The following PGM5 variants were observed in gnomAD, a reference collection of about 807,000 sequenced individuals.
The protein encoded by PGM5 is phosphoglucomutase-like protein 5.
Under a neutral mutation model 59.2 loss-of-function variants are expected in PGM5, and 23 were observed. The observed-to-expected ratio is 0.39, with a 90% CI of 0.28 to 0.55. PGM5 has a LOEUF of 0.55. PGM5 is among the 20% of genes least tolerant of loss of function. PGM5 has a pLI of 0.66. For synonymous variants in PGM5, 214 were observed against 286.0 expected (o/e 0.75, Z 2.54); for missense variants, 574 against 748.3 (o/e 0.77, Z 2.72).
intron 6 of PGM5, among the ~76,000 whole-genome samples, chr9:68,423,377 C>G (rs1390130446): frequency 2.0e-5 from 3 of 152,266 alleles, no homozygotes; most frequent in East Asian, 3.9e-4. Flanking sequence ...CGCATCCACA[C>G]CAACATCTAC....
intron 4 of PGM5, among the ~76,000 whole-genome samples, chr9:68,389,455 G>A (rs1822312016): frequency 6.6e-6 from 1 of 151,944 alleles, no homozygotes; most frequent in African/African-American, 2.4e-5. Flanking sequence ...TGCCCCCATA[G>A]TTTTGCATTT....
intron 7 of PGM5, among the ~76,000 whole-genome samples, chr9:68,471,386 A>G (rs1251093464): frequency 1.3e-5 from 2 of 152,198 alleles, no homozygotes; most frequent in Non-Finnish European, 2.9e-5. Flanking sequence ...CTAGGAGACT[A>G]CTGGTTGCTA....
intron 1 of PGM5, among the ~76,000 whole-genome samples, chr9:68,376,196 A>G (rs1489021814): frequency 1.1e-4 from 17 of 152,298 alleles, no homozygotes; most frequent in Non-Finnish European, 2.4e-4. Flanking sequence ...TAAAAATGCA[A>G]TCAGGTCACT....
At chr9:68,364,180 C>T (rs1342870503) in intron 1 of PGM5, among the ~76,000 whole-genome samples, 1 of 151,436 alleles carries the variant, frequency 6.6e-6, no homozygotes, top group Admixed American at 6.6e-5. Context: ...AACTAGGAAG[C>T]TGAAATGCAG....
intron 1 of PGM5, among the ~76,000 whole-genome samples, chr9:68,376,833 C>CTT (rs1461144548): frequency 0.031 from 2,383 of 77,268 alleles, 48 homozygotes; most frequent in Non-Finnish European, 0.034. Context: ...TTCTTTCTTT[C>CTT]TCTTTCTTTC....
chr9:68,359,199 G>A (rs552106215), intron 1 of PGM5, among the ~76,000 whole-genome samples: 1 of 152,222 alleles, frequency 6.6e-6, no homozygotes, highest in African/African-American at 2.4e-5. Flanking sequence ...TTACTTCAAT[G>A]GGTCTTCTAT....
chr9:68,515,725 T>C (rs1429679506), intron 10 of PGM5, among the ~76,000 whole-genome samples: 1 of 152,196 alleles, frequency 6.6e-6, no homozygotes, highest in Non-Finnish European at 1.5e-5. Flanking sequence ...ACCCCAACAT[T>C]CTTAATCTCT....
intron 6 of PGM5, among the ~76,000 whole-genome samples, chr9:68,444,258 A>G (rs1457647601): frequency 2.0e-5 from 3 of 152,106 alleles, no homozygotes; most frequent in African/African-American, 7.2e-5. Context: ...CCACCCATCC[A>G]ACTGCAAGTC....
At chr9:68,386,253 A>G (rs1554678834) in intron 3 of PGM5, among the ~76,000 whole-genome samples, 1 of 152,076 alleles carries the variant, frequency 6.6e-6, no homozygotes, top group East Asian at 1.9e-4. Context: ...TGGTGGTAAA[A>G]TATACATAAC....
At chr9:68,410,308 C>T (rs2258116) in intron 6 of PGM5, among the ~76,000 whole-genome samples, 42 of 152,256 alleles carry the variant, frequency 2.8e-4, no homozygotes, top group African/African-American at 9.6e-4. Flanking sequence ...TGAATGGCCA[C>T]GAGCATGGCT....
At chr9:68,447,768 C>T (rs1477940119) in intron 6 of PGM5, among the ~76,000 whole-genome samples, 1 of 152,144 alleles carries the variant, frequency 6.6e-6, no homozygotes. Flanking sequence ...TCCCTAAGAA[C>T]ATCTTGGCAT....
intron 10 of PGM5, among the ~76,000 whole-genome samples, chr9:68,504,447 C>G (rs911569841): frequency 6.6e-6 from 1 of 152,152 alleles, no homozygotes; most frequent in Non-Finnish European, 1.5e-5. Flanking sequence ...CTCCCTCTGA[C>G]CTCATTTCCT....
intron 1 of PGM5, among the ~76,000 whole-genome samples, chr9:68,361,745 T>C (rs1202412657): frequency 1.3e-5 from 2 of 152,152 alleles, no homozygotes; most frequent in African/African-American, 4.8e-5. Context: ...TACCAGCACC[T>C]TTGGGGTTAG....
At chr9:68,483,719 G>C (rs1293419748) in intron 8 of PGM5, 146 bp from the exon 9 acceptor site, 1 of 659,968 alleles carries the variant, frequency 1.5e-6, no homozygotes, top group Non-Finnish European at 2.6e-6. Flanking sequence ...GACTGTAAGG[G>C]TCAGATGAAA....
Position 68,387,490 on chromosome 9 carries a change from A to G in PGM5, c.599A>G (p.Tyr200Cys). The change falls in exon 4 of 11, where the codon TAT becomes TGT. Residue 200 changes from tyrosine to cysteine, a missense_variant. Tyr to Cys is a radical substitution (Grantham distance 194). Coordinates refer to ENST00000396396, the MANE Select transcript of PGM5 (RefSeq NM_021965.4). ...RVEIVDPVDI[Y>C]LNLLRTIFDF... Reference sequence around the variant, plus strand: ...GAGATAGTGGACCCAGTGGATATCTATCTTAACCTCCTTCGGACCATCTTT... The same window carrying G: ...GAGATAGTGGACCCAGTGGATATCTGTCTTAACCTCCTTCGGACCATCTTT... 3.7e-6 allele frequency: 6 copies of G among 1,611,816 alleles called. No homozygotes were observed. The highest frequency in any genetic ancestry group is 2.2e-5 in the East Asian group (1 of 44,838).
At chr9:68,357,797 C>T in intron 1 of PGM5, 1 of 257,436 alleles carries the variant, frequency 3.9e-6, no homozygotes, top group Non-Finnish European at 7.6e-6. Context: ...ACAGTCCCCA[C>T]ACAAACTTCT....
At position 68,524,783 on chromosome 9, in the gene PGM5, C is replaced by G. The variant is rs532373128; in HGVS notation, c.1615-4784C>G. On this transcript the variant is annotated intron_variant, in intron 10 of 10. Transcript: ENST00000396396. The stretch of plus-strand genomic sequence containing the variant: ...TCTTTCTCTCTTTATCCTTGTCACT[C>G]TCAGATCTTATATGCAGAACTGTAT... Among the ~76,000 whole-genome samples, 277 of 152,320 alleles carry G rather than the reference C, an allele frequency of 1.8e-3. 1 individual carries two copies. The highest frequency in any genetic ancestry group is 6.2e-3 in the African/African-American group (259 of 41,570).
At chr9:68,438,195 A>G (rs565387858) in intron 6 of PGM5, among the ~76,000 whole-genome samples, 1 of 150,082 alleles carries the variant, frequency 6.7e-6, no homozygotes, top group South Asian at 2.1e-4. Flanking sequence ...AGGCTGAGGC[A>G]GGACAATCGC....
chr9:68,479,939 A>C (rs955031869), intron 8 of PGM5, among the ~76,000 whole-genome samples: 2 of 151,886 alleles, frequency 1.3e-5, no homozygotes, highest in Non-Finnish European at 1.5e-5. Flanking sequence ...AAAAAAAAAA[A>C]AAGGAGGCAT....
Sources: allele counts gnomAD v4.1 joint callset (sites outside exome capture counted in the v4.1 genomes callset), GRCh38; gene constraint gnomAD v4.1.1; transcripts MANE v1.5; gene names NCBI Gene and HGNC (gene_info 2026-07-23, HGNC 2026-07-21).